Variants in TMEM165 observed in about 807,000 individuals in gnomAD.
TMEM165 encodes transmembrane protein 165, also known as putative divalent cation/proton antiporter TMEM165.
Under a neutral mutation model 30.0 loss-of-function variants are expected in TMEM165, and 19 were observed. The observed-to-expected ratio is 0.63, with a 90% CI of 0.44 to 0.93. TMEM165 has a LOEUF of 0.93. TMEM165 is among the 40% of genes least tolerant of loss of function. The probability of loss-of-function intolerance (pLI) is 0.00; values close to 1 mark genes in which losing one functional copy is unlikely to be tolerated. For missense variants in TMEM165, 340 were observed against 417.0 expected (o/e 0.82, Z 1.61); for synonymous variants, 168 against 162.9 (o/e 1.03, Z -0.24).
chr4:55,421,943 G>T (rs1253478902), intron 4 of TMEM165, among the ~76,000 whole-genome samples: 3 of 150,710 alleles, frequency 2.0e-5, no homozygotes, highest in Non-Finnish European at 4.4e-5. Flanking sequence ...TTTCTCAATT[G>T]TACATCGCAA....
chr4:55,447,027 C>A (rs1203042623), intron 3 of TMEM165, among the ~76,000 whole-genome samples: 1 of 151,990 alleles, frequency 6.6e-6, no homozygotes, highest in Non-Finnish European at 1.5e-5. Context: ...AGTACCTCAA[C>A]TCCCTCAAGT....
Position 55,417,115 on chromosome 4 carries a change from A to G in TMEM165, c.477A>G (p.Thr159=), listed in dbSNP as rs559929882. The change falls in exon 3 of 6, where the codon ACA becomes ACG. Residue 159 remains threonine (T), a synonymous_variant. Transcript: ENST00000381334. The stretch of plus-strand genomic sequence containing the variant: ...CCACAGTCATCCCCAGGGTCTATAC[A>G]TACTATGTTTCAACTGTATTATTTG... ...YATTVIPRVY[T]YYVSTVLFAI... 1.9e-6 allele frequency: 3 copies of G among 1,613,912 alleles called. 1 individual carries two copies. The South Asian group carries it at 3.3e-5, about 18-fold the overall frequency.
At chr4:55,416,412 G>C (rs1362916956) in intron 2 of TMEM165, among the ~76,000 whole-genome samples, 1 of 152,160 alleles carries the variant, frequency 6.6e-6, no homozygotes, top group African/African-American at 2.4e-5. Context: ...TCTTGATATA[G>C]TTCCAAGCAT....
At chr4:55,450,365 C>T (rs1724323203) in intron 3 of TMEM165, 8 of 948,992 alleles carry the variant, frequency 8.4e-6, no homozygotes, top group Non-Finnish European at 1.1e-5. Flanking sequence ...TGTACATACA[C>T]ATGTAAAGAA....
intron 2 of TMEM165, among the ~76,000 whole-genome samples, chr4:55,414,285 G>T (rs892989623): frequency 5.7e-5 from 4 of 70,396 alleles, no homozygotes; most frequent in Non-Finnish European, 7.9e-5. Flanking sequence ...AAAAAAAAAG[G>T]ACATGAAATT....
intron 2 of TMEM165, 86 bp downstream of exon 2, chr4:55,411,925 G>A (rs1215014991): frequency 7.7e-7 from 1 of 1,306,582 alleles, no homozygotes; most frequent in Non-Finnish European, 1.1e-6. Flanking sequence ...CATTAACCTA[G>A]TCTTATGGGA....
At chr4:55,447,046 T>C (rs1307276170) in intron 3 of TMEM165, among the ~76,000 whole-genome samples, 1 of 152,088 alleles carries the variant, frequency 6.6e-6, no homozygotes, top group East Asian at 1.9e-4. Context: ...GTTTTTTTTT[T>C]TGTTTTTTTT....
intron 1 of TMEM165, among the ~76,000 whole-genome samples, chr4:55,407,322 G>A (rs1452906183): frequency 1.3e-5 from 2 of 152,208 alleles, no homozygotes; most frequent in Admixed American, 1.3e-4. Context: ...GTAACCATGA[G>A]CCATGAGTAT....
intron 5 of TMEM165, 67 bp from the exon 6 acceptor site, chr4:55,425,309 T>G: frequency 2.2e-6 from 3 of 1,333,572 alleles, no homozygotes; most frequent in Non-Finnish European, 2.1e-6. Context: ...TCGGCTCCCT[T>G]TTCATTTTGT....
chr4:55,442,377 T>C (rs1234978494), intron 3 of TMEM165: 2 of 1,464,028 alleles, frequency 1.4e-6, no homozygotes, highest in Admixed American at 3.4e-5. Flanking sequence ...AAATTATTGT[T>C]TTCTAATCAA....
At chr4:55,437,880 A>G (rs1267541089) in intron 3 of TMEM165, among the ~76,000 whole-genome samples, 1 of 152,242 alleles carries the variant, frequency 6.6e-6, no homozygotes, top group Non-Finnish European at 1.5e-5. Flanking sequence ...ATTCAACAAA[A>G]TAATTTAAGG....
downstream of TMEM165, chr4:55,427,804 A>G (rs1366066779): frequency 6.6e-6 from 1 of 152,216 alleles, no homozygotes; most frequent in Non-Finnish European, 1.5e-5. Context: ...AGCAGGACAT[A>G]ATTCCTCTGA....
At chr4:55,452,809 C>G in exon 4 of TMEM165, 1 of 363,030 alleles carries the variant, frequency 2.8e-6, no homozygotes, top group East Asian at 5.2e-5. Context: ...TAGCCAGAGA[C>G]TAGTACATCA....
chr4:55,422,695 G>A (rs1410040431), intron 4 of TMEM165, among the ~76,000 whole-genome samples: 2 of 151,684 alleles, frequency 1.3e-5, no homozygotes, highest in Non-Finnish European at 2.9e-5. Context: ...GTCACCCAGG[G>A]TGGAGTGCAG....
downstream of TMEM165, chr4:55,428,349 C>T (rs1578249326): frequency 1.3e-5 from 2 of 152,094 alleles, no homozygotes; most frequent in South Asian, 2.1e-4. Flanking sequence ...AATATTAAAT[C>T]GGTAACAAAA....
At position 55,422,257 on chromosome 4, in the gene TMEM165, C is replaced by G. The variant is rs183837976; in HGVS notation, c.793-2281C>G. 2.0e-5 allele frequency among the ~76,000 whole-genome samples: 3 copies of G among 152,232 alleles called. No homozygotes were observed. In the East Asian group the frequency reaches 5.8e-4, roughly 29 times the overall value. ...TCTTCTCTTTCTGCTTTCTCTGTAA[C>G]AGGTTTATTGACTCTTTTTTTTGAG... On this transcript the variant is annotated intron_variant, in intron 4 of 5. Coordinates refer to ENST00000381334, the MANE Select transcript of TMEM165 (RefSeq NM_018475.5).
At chr4:55,450,705 G>A (rs1724358036) in intron 3 of TMEM165, among the ~76,000 whole-genome samples, 1 of 151,864 alleles carries the variant, frequency 6.6e-6, no homozygotes, top group African/African-American at 2.4e-5. Context: ...GGAGGCGGAG[G>A]ATGTAGTGAG....
chr4:55,399,895 T>C (rs1215202400), intron 1 of TMEM165, among the ~76,000 whole-genome samples: 1 of 151,874 alleles, frequency 6.6e-6, no homozygotes, highest in Non-Finnish European at 1.5e-5. Flanking sequence ...TAATATAATA[T>C]GATTTTTCCG....
chr4:55,426,984 T>C (rs942021477), downstream of TMEM165, among the ~76,000 whole-genome samples: 5 of 152,032 alleles, frequency 3.3e-5, no homozygotes, highest in Non-Finnish European at 7.4e-5. Flanking sequence ...CAGTCTATAT[T>C]GCCTTAGATT....
Sources: allele counts gnomAD v4.1 joint callset (sites outside exome capture counted in the v4.1 genomes callset), GRCh38; gene constraint gnomAD v4.1.1; transcripts MANE v1.5; gene names NCBI Gene and HGNC (gene_info 2026-07-23, HGNC 2026-07-21).